MDGA2: variants seen among roughly 807,000 people sequenced by gnomAD.
MDGA2 encodes MAM domain containing glycosylphosphatidylinositol anchor 2.
Under a neutral mutation model 117.8 loss-of-function variants are expected in MDGA2, and 40 were observed. That is an observed-to-expected ratio of 0.34 (90% CI 0.26 to 0.44). The LOEUF is 0.44. MDGA2 is among the 20% of genes least tolerant of loss of function. The pLI is 1.00. For missense variants in MDGA2, 1,123 were observed against 1,250.6 expected, an observed-to-expected ratio of 0.90 and a Z score of 1.54; for synonymous variants, 452 against 439.0, an observed-to-expected ratio of 1.03 and a Z score of -0.37.
chr14:47,597,497 C>T (rs1896565451), intron 1 of MDGA2, among the ~76,000 whole-genome samples: 3 of 151,688 alleles, frequency 2.0e-5, no homozygotes, highest in African/African-American at 4.8e-5. Flanking sequence ...TGACTAGCCC[C>T]GGGGGTGTCA....
In MDGA2 at chr14:47,200,006, A is replaced by T. The variant is rs554201645; in HGVS notation, c.595+18015T>A. Among the ~76,000 whole-genome samples, 21 of 151,286 alleles carry T rather than the reference A, an allele frequency of 1.4e-4. No homozygotes were observed. The East Asian group carries it at 2.4e-3, about 17-fold the overall frequency. Reference sequence around the variant, plus strand: ...AATATGTAAACCAAATGCAATGAATAAGGGTAAATGAAAGAGAAAATTAGG... The same window carrying T: ...AATATGTAAACCAAATGCAATGAATTAGGGTAAATGAAAGAGAAAATTAGG... On this transcript the variant is annotated intron_variant, in intron 3 of 16. Transcript: ENST00000399232.
intron 1 of MDGA2, among the ~76,000 whole-genome samples, chr14:47,577,029 G>C (rs1310753136): frequency 6.6e-6 from 1 of 152,096 alleles, no homozygotes; most frequent in African/African-American, 2.4e-5. Context: ...AAGATTACAA[G>C]CACGAGCCAC....
chr14:47,218,362 T>A (rs1365185497), intron 2 of MDGA2, among the ~76,000 whole-genome samples, 167 bp from the exon 3 acceptor site: 1 of 152,122 alleles, frequency 6.6e-6, no homozygotes, highest in East Asian at 1.9e-4. Flanking sequence ...AATTAAAAAA[T>A]TTTTAATGTA....
intron 12 of MDGA2, among the ~76,000 whole-genome samples, chr14:46,877,005 A>G (rs1414824161): frequency 6.6e-6 from 1 of 151,658 alleles, no homozygotes; most frequent in African/African-American, 2.4e-5. Context: ...TATAGAATTC[A>G]TAACCTAAAT....
chr14:47,461,772 G>T (rs558670361), intron 1 of MDGA2, among the ~76,000 whole-genome samples: 1 of 152,166 alleles, frequency 6.6e-6, no homozygotes, highest in South Asian at 2.1e-4. Flanking sequence ...TTATTTTTAC[G>T]TGACATGAAC....
intron 7 of MDGA2, among the ~76,000 whole-genome samples, chr14:47,046,399 C>A (rs914555956): frequency 2.6e-5 from 4 of 151,482 alleles, no homozygotes. Flanking sequence ...GGGAATTAAA[C>A]AATGACAATA....
intron 3 of MDGA2, among the ~76,000 whole-genome samples, chr14:47,206,419 C>T (rs961366611): frequency 6.6e-6 from 1 of 150,960 alleles, no homozygotes; most frequent in Non-Finnish European, 1.5e-5. Context: ...AGTGAGACCT[C>T]GTCTGTACAG....
rs564286952 is a variant in MDGA2, at chr14:47,529,736, C to T, written c.280+144781G>A. Among the ~76,000 whole-genome samples, 6 of 152,204 alleles carry T rather than the reference C, an allele frequency of 3.9e-5. No homozygotes were observed. In the South Asian group the frequency reaches 1.2e-3, roughly 32 times the overall value. On this transcript the variant is annotated intron_variant, in intron 1 of 16. Coordinates refer to ENST00000399232, the MANE Select transcript of MDGA2 (RefSeq NM_001113498.3). Reference sequence around the variant, plus strand: ...TCAGCTAGAACTATACCTGGAGAAGCAGTTGTTTTGATGGGTAGGGGTAAG... The same window carrying T: ...TCAGCTAGAACTATACCTGGAGAAGTAGTTGTTTTGATGGGTAGGGGTAAG...
In MDGA2 at chr14:47,003,192, T is replaced by C. The variant is rs1012592603; in HGVS notation, c.1819+31819A>G. On this transcript the variant is annotated intron_variant, in intron 8 of 16. Coordinates refer to ENST00000399232, the MANE Select transcript of MDGA2 (RefSeq NM_001113498.3). ...GTTGCGTGTGTCCATGATTGAAGTT[T>C]GTTTCCTTCATCTATTTGTGGACAT... 5.3e-5 allele frequency among the ~76,000 whole-genome samples: 8 copies of C among 152,176 alleles called. No individual in the cohort carries two copies. In the South Asian group the frequency reaches 1.2e-3, roughly 24 times the overall value.
At chr14:47,379,721 G>T (rs1302465584) in intron 1 of MDGA2, among the ~76,000 whole-genome samples, 1 of 152,128 alleles carries the variant, frequency 6.6e-6, no homozygotes, top group Non-Finnish European at 1.5e-5. Context: ...GATTCATAAA[G>T]CAGGTCCTTA....
At position 46,999,499 on chromosome 14, in the gene MDGA2, G is replaced by A. The variant is rs148135484; in HGVS notation, c.1819+35512C>T. Among the ~76,000 whole-genome samples the A allele has an allele frequency of 1.7e-4, 26 of 152,058 alleles. No homozygotes were observed. The East Asian group carries it at 4.6e-3, about 27-fold the overall frequency. On this transcript the variant is annotated intron_variant, in intron 8 of 16. Coordinates refer to ENST00000399232, the MANE Select transcript of MDGA2 (RefSeq NM_001113498.3). Reference sequence around the variant, plus strand: ...AAAAAGAAAATATATTTTTTGCACTGTAATTGAAGAGTAGAAAAAATTTTC... The same window carrying A: ...AAAAAGAAAATATATTTTTTGCACTATAATTGAAGAGTAGAAAAAATTTTC...
chr14:46,997,843 T>C (rs546353057), intron 8 of MDGA2, among the ~76,000 whole-genome samples: 1 of 152,300 alleles, frequency 6.6e-6, no homozygotes, highest in Admixed American at 6.5e-5. Flanking sequence ...GTTAAATTTA[T>C]GAGTATTACT....
chr14:46,875,918 C>CT (rs1379179573), intron 12 of MDGA2, among the ~76,000 whole-genome samples: 2 of 151,198 alleles, frequency 1.3e-5, no homozygotes, highest in Non-Finnish European at 3.0e-5. Context: ...ACTGTTGAAC[C>CT]TTTTTTTCGT....
At chr14:47,291,907 T>C (rs1888903762) in intron 2 of MDGA2, among the ~76,000 whole-genome samples, 2 of 152,186 alleles carry the variant, frequency 1.3e-5, no homozygotes, top group South Asian at 4.1e-4. Context: ...TTAGCCCTGA[T>C]CTAGGGCAGA....
chr14:47,561,158 GTTTTGT>G (rs1895800939), intron 1 of MDGA2, among the ~76,000 whole-genome samples: 3 of 55,060 alleles, frequency 5.4e-5, no homozygotes, highest in South Asian at 1.0e-3. Context: ...TTTTTGTTTT[GTTTTGT>G]TTTTTTGTTT....
At chr14:47,540,557 T>TA (rs2138754339) in intron 1 of MDGA2, among the ~76,000 whole-genome samples, 1 of 124,850 alleles carries the variant, frequency 8.0e-6, no homozygotes, top group South Asian at 3.7e-4. Flanking sequence ...TATATATGTA[T>TA]ATATATACAC....
chr14:46,977,909 T>C (rs903106886), intron 8 of MDGA2, among the ~76,000 whole-genome samples: 2 of 151,864 alleles, frequency 1.3e-5, no homozygotes, highest in Non-Finnish European at 2.9e-5. Context: ...ATGTGTTGCT[T>C]TAGTCTCAGT....
At chr14:47,039,086 A>G (rs1888969302) in intron 7 of MDGA2, among the ~76,000 whole-genome samples, 1 of 152,106 alleles carries the variant, frequency 6.6e-6, no homozygotes, top group Admixed American at 6.5e-5. Context: ...TAAATTTTCT[A>G]TCTCTAAGAA....
chr14:47,466,158 G>A (rs1893599610), intron 1 of MDGA2, among the ~76,000 whole-genome samples: 1 of 151,938 alleles, frequency 6.6e-6, no homozygotes, highest in Admixed American at 6.6e-5. Context: ...CAGACACTGG[G>A]GTGTATGTGA....
Sources: gnomAD v4.1 joint callset for allele counts (sites outside exome capture counted in the v4.1 genomes callset) on GRCh38, gnomAD v4.1.1 for gene constraint, MANE v1.5 for transcripts, NCBI Gene and HGNC (gene_info 2026-07-23, HGNC 2026-07-21) for gene names.